The following GALNT13 variants were observed in gnomAD, a reference collection of about 807,000 sequenced individuals.
The protein encoded by GALNT13 is polypeptide N-acetylgalactosaminyltransferase 13, also known as UDP-GalNAc:polypeptide N-acetylgalactosaminyltransferase 13.
In GALNT13, 28 loss-of-function variants were observed where a neutral mutation model predicts 64.2. The observed-to-expected ratio is 0.44, with a 90% CI of 0.32 to 0.60. GALNT13 has a LOEUF of 0.60. Among genes scored for constraint, GALNT13 ranks in the 20% least tolerant of loss-of-function variants. The pLI is 0.05. For missense variants in GALNT13, 577 were observed against 669.8 expected (o/e 0.86, Z 1.53); for synonymous variants, 214 against 224.6 (o/e 0.95, Z 0.42).
intron 9 of GALNT13, among the ~76,000 whole-genome samples, chr2:154,351,682 CAAAAAAAAAAAAAAAAAAAAAAAAAA>C (rs567606376): frequency 0.046 from 2,043 of 44,784 alleles, 74 homozygotes; most frequent in South Asian, 0.23. Flanking sequence ...GACTCCGTCT[CAAAAAAAAAAAAAAAAAAAAAAAAAA>C]AAAAAAAAAA....
chr2:153,353,013 G>A, the GALNT13 span, among the ~76,000 whole-genome samples: 1 of 152,040 alleles, frequency 6.6e-6, no homozygotes, highest in African/African-American at 2.4e-5. Flanking sequence ...TTTTGATTGG[G>A]ATGTATTGAT....
At chr2:153,677,372 G>A in the GALNT13 span, among the ~76,000 whole-genome samples, 1 of 151,162 alleles carries the variant, frequency 6.6e-6, no homozygotes, top group African/African-American at 2.4e-5. Context: ...TATACACAGT[G>A]AGAATTTTAA....
the GALNT13 span, among the ~76,000 whole-genome samples, chr2:153,719,742 G>A: frequency 2.0e-4 from 31 of 151,836 alleles, 1 homozygote; most frequent in Admixed American, 1.9e-3. Context: ...CGAATATTGC[G>A]CTTTTCAGAC....
chr2:153,361,002 G>A, the GALNT13 span, among the ~76,000 whole-genome samples: 5 of 152,156 alleles, frequency 3.3e-5, no homozygotes. Flanking sequence ...CAAGGTCAGA[G>A]ATCCCAGTGG....
At chr2:154,075,681 T>C (rs1700952368) in intron 3 of GALNT13, among the ~76,000 whole-genome samples, 1 of 151,820 alleles carries the variant, frequency 6.6e-6, no homozygotes, top group Non-Finnish European at 1.5e-5. Context: ...TACCTCTAGA[T>C]TGTACTGCAG....
chr2:153,152,778 T>G, the GALNT13 span, among the ~76,000 whole-genome samples: 1 of 152,202 alleles, frequency 6.6e-6, no homozygotes, highest in Non-Finnish European at 1.5e-5. Flanking sequence ...TTGGTGTATA[T>G]GTACCACATT....
At chr2:153,701,037 G>A in the GALNT13 span, among the ~76,000 whole-genome samples, 1 of 152,118 alleles carries the variant, frequency 6.6e-6, no homozygotes, top group Non-Finnish European at 1.5e-5. Context: ...ATATAGGGAA[G>A]ACAATCCTAA....
the GALNT13 span, among the ~76,000 whole-genome samples, chr2:153,190,356 T>G: frequency 6.6e-6 from 1 of 152,138 alleles, no homozygotes; most frequent in Non-Finnish European, 1.5e-5. Context: ...CCCTAAAGTA[T>G]GCTCTTGGCA....
At chr2:153,901,125 T>C (rs545327345) in intron 2 of GALNT13, 118 bp downstream of exon 2, 1 of 152,252 alleles carries the variant, frequency 6.6e-6, no homozygotes, top group African/African-American at 2.4e-5. Flanking sequence ...TTGTTAAAGA[T>C]AAGAAGGTTG....
At chr2:153,538,573 G>C in the GALNT13 span, among the ~76,000 whole-genome samples, 1 of 66,718 alleles carries the variant, frequency 1.5e-5, no homozygotes, top group Non-Finnish European at 2.7e-5. Flanking sequence ...CCCAGAGTGT[G>C]ATATTCCCCT....
intron 3 of GALNT13, among the ~76,000 whole-genome samples, chr2:154,093,808 G>A (rs1430825790): frequency 6.6e-6 from 1 of 151,422 alleles, no homozygotes; most frequent in Non-Finnish European, 1.5e-5. Flanking sequence ...TGTACAACTA[G>A]TGTATTAAAG....
chr2:154,248,182 A>C (rs1689882304), intron 7 of GALNT13, among the ~76,000 whole-genome samples: 1 of 152,144 alleles, frequency 6.6e-6, no homozygotes, highest in African/African-American at 2.4e-5. Flanking sequence ...GTCATCATTT[A>C]GAAATACAAT....
At chr2:153,620,135 AT>A in the GALNT13 span, among the ~76,000 whole-genome samples, 8 of 151,402 alleles carry the variant, frequency 5.3e-5, no homozygotes, top group Non-Finnish European at 1.0e-4. Context: ...ATTTATTTTT[AT>A]TTTTTGAGAC....
chr2:153,725,537 G>A, the GALNT13 span, among the ~76,000 whole-genome samples: 32 of 151,644 alleles, frequency 2.1e-4, no homozygotes, highest in African/African-American at 7.7e-4. Context: ...TCTTTTTAAA[G>A]TCCAAAATAA....
chr2:153,513,452 G>A, the GALNT13 span, among the ~76,000 whole-genome samples: 86,594 of 152,054 alleles, frequency 0.57, 27,593 homozygotes, highest in African/African-American at 0.84. Context: ...ACTAATGCTT[G>A]TCAATATCTA....
the GALNT13 span, among the ~76,000 whole-genome samples, chr2:153,432,762 A>C: frequency 6.6e-6 from 1 of 152,020 alleles, no homozygotes; most frequent in Admixed American, 6.6e-5. Context: ...GCAACGTTTC[A>C]TTTTAGTTGT....
chr2:154,044,124 A>G (rs1699160802), intron 3 of GALNT13, among the ~76,000 whole-genome samples: 1 of 152,070 alleles, frequency 6.6e-6, no homozygotes, highest in Non-Finnish European at 1.5e-5. Flanking sequence ...CTTAGTAAAT[A>G]TAGAAGGCTT....
At chr2:154,379,315 C>G (rs754774206) in intron 9 of GALNT13, among the ~76,000 whole-genome samples, 1 of 151,742 alleles carries the variant, frequency 6.6e-6, no homozygotes, top group African/African-American at 2.4e-5. Context: ...TTTTTTAGAG[C>G]CTTAAACTAG....
At chr2:153,281,679 G>T in the GALNT13 span, among the ~76,000 whole-genome samples, 2 of 152,020 alleles carry the variant, frequency 1.3e-5, no homozygotes, top group Non-Finnish European at 2.9e-5. Context: ...AAAATTCTTA[G>T]TTGAAATTTT....
Sources: gnomAD v4.1 joint callset for allele counts (sites outside exome capture counted in the v4.1 genomes callset) on GRCh38, gnomAD v4.1.1 for gene constraint, MANE v1.5 for transcripts, NCBI Gene and HGNC (gene_info 2026-07-23, HGNC 2026-07-21) for gene names.